Variants in PLXNA2 observed in about 807,000 individuals in gnomAD.
The protein encoded by PLXNA2 is plexin-A2.
PLXNA2 carries 91 observed loss-of-function variants against 193.5 expected under a neutral mutation model. That is an observed-to-expected ratio of 0.47 (90% confidence interval 0.40 to 0.56). The LOEUF (loss-of-function observed/expected upper bound fraction) is 0.56. PLXNA2 is among the 20% of genes least tolerant of loss of function. The probability of loss-of-function intolerance (pLI) is 0.00; values close to 1 mark genes in which losing one functional copy is unlikely to be tolerated. For missense variants in PLXNA2, 1,995 were observed against 2,503.2 expected (o/e 0.80, Z 4.33); for synonymous variants, 997 against 1,027.3 (o/e 0.97, Z 0.56).
In PLXNA2 at chr1:208,236,470, C is replaced by A. The variant is rs1432631818; in HGVS notation, c.-81+7173G>T. On this transcript the variant is annotated intron_variant, in intron 1 of 31. Transcript: ENST00000367033. This position sits in a 1 kb window ranked among gnomAD's most constrained non-coding sequence, Gnocchi z 4.4. ...GGCAAGGCAGGGCTTTTCTACACAC[C>A]CCTTCCTCTGCTCCTGAACCTTCCA... Among the ~76,000 whole-genome samples the A allele has an allele frequency of 6.6e-6, 1 of 152,128 alleles. No individual in the cohort carries two copies. Among genetic ancestry groups the A allele is most frequent in the Non-Finnish European group, 1.5e-5 (1 of 68,016 alleles).
chr1:208,063,764 C>T (rs1402044807), intron 12 of PLXNA2, among the ~76,000 whole-genome samples: 2 of 152,118 alleles, frequency 1.3e-5, no homozygotes, highest in Admixed American at 1.3e-4. Context: ...TTGCTTAAAG[C>T]AAAACTGACG....
chr1:208,210,716 CCT>C (rs1670915633), intron 2 of PLXNA2, among the ~76,000 whole-genome samples: 2 of 152,188 alleles, frequency 1.3e-5, no homozygotes, highest in Non-Finnish European at 2.9e-5. Flanking sequence ...CCTGTATCTA[CCT>C]TTCTGCCAGG....
intron 3 of PLXNA2, among the ~76,000 whole-genome samples, chr1:208,144,103 T>C (rs989189603): frequency 1.2e-4 from 18 of 152,204 alleles, no homozygotes; most frequent in African/African-American, 4.1e-4. Context: ...TTACACCCTT[T>C]GGATTCTCTC....
intron 3 of PLXNA2, among the ~76,000 whole-genome samples, chr1:208,207,782 C>T (rs754794413): frequency 1.3e-5 from 2 of 152,028 alleles, no homozygotes; most frequent in Admixed American, 6.6e-5. Flanking sequence ...CCAGCAGGGG[C>T]CTGGGTATGA....
intron 31 of PLXNA2, among the ~76,000 whole-genome samples, chr1:208,027,791 T>G (rs946152084): frequency 6.6e-6 from 1 of 152,204 alleles, no homozygotes; most frequent in Non-Finnish European, 1.5e-5. Context: ...TGATTAAAAG[T>G]GTTATTTATT....
At position 208,106,982 on chromosome 1, in the gene PLXNA2, G is replaced by A. The variant is rs1042625148; in HGVS notation, c.1507-3735C>T. ...TTGGTGAGGGCAAGGGAGGGATGGT[G>A]CAAGTCTGGATATGTGAGTCTGGGT... On this transcript the variant is annotated intron_variant, in intron 4 of 31. Transcript: ENST00000367033. Among the ~76,000 whole-genome samples, 4 of 152,220 alleles carry A rather than the reference G, an allele frequency of 2.6e-5. No individual in the cohort carries two copies. In the East Asian group the frequency reaches 7.7e-4, roughly 29 times the overall value.
intron 29 of PLXNA2, chr1:208,030,324 G>A (rs2102298006): frequency 1.0e-6 from 1 of 985,564 alleles, no homozygotes; most frequent in East Asian, 1.1e-4. Context: ...TCTATTACTT[G>A]GATCTGGCCA....
intron 4 of PLXNA2, among the ~76,000 whole-genome samples, chr1:208,139,428 G>A (rs1024762578): frequency 3.9e-5 from 6 of 152,188 alleles, no homozygotes; most frequent in Non-Finnish European, 8.8e-5. Context: ...TGAGGCATGA[G>A]AGCTAGAATG....
intron 9 of PLXNA2, among the ~76,000 whole-genome samples, 153 bp from the exon 10 acceptor site, chr1:208,084,733 G>A (rs536398913): frequency 7.8e-4 from 119 of 152,344 alleles, no homozygotes; most frequent in African/African-American, 2.8e-3. Context: ...AAATGGAATC[G>A]CTCTTAGCTC....
chr1:208,104,704 C>T (rs1328510297), intron 4 of PLXNA2, among the ~76,000 whole-genome samples: 1 of 152,066 alleles, frequency 6.6e-6, no homozygotes, highest in Non-Finnish European at 1.5e-5. Flanking sequence ...TGCCTTTCCT[C>T]TCTTGGGTGT....
intron 3 of PLXNA2, among the ~76,000 whole-genome samples, chr1:208,173,131 C>T (rs1669546843): frequency 6.6e-6 from 1 of 152,194 alleles, no homozygotes; most frequent in Admixed American, 6.5e-5. Context: ...CAAATGCCCT[C>T]ATTTGTAAAA....
At chr1:208,090,105 G>A (rs192275179) in intron 9 of PLXNA2, among the ~76,000 whole-genome samples, 8 of 152,322 alleles carry the variant, frequency 5.3e-5, no homozygotes, top group Admixed American at 5.2e-4. Flanking sequence ...CAACCTCGCT[G>A]GGAATCTGCA....
At chr1:208,134,098 T>C (rs1455894837) in intron 4 of PLXNA2, among the ~76,000 whole-genome samples, 1 of 152,216 alleles carries the variant, frequency 6.6e-6, no homozygotes, top group Non-Finnish European at 1.5e-5. Context: ...CTGGGCATTG[T>C]ATTCAATCAT....
chr1:208,081,097 C>T (rs1440221870), intron 11 of PLXNA2, among the ~76,000 whole-genome samples: 2 of 152,200 alleles, frequency 1.3e-5, no homozygotes, highest in Non-Finnish European at 2.9e-5. Context: ...TGCAACAGCT[C>T]GGATGTGGCT....
intron 3 of PLXNA2, among the ~76,000 whole-genome samples, chr1:208,208,151 C>A (rs1292969311): frequency 1.3e-5 from 2 of 152,324 alleles, no homozygotes; most frequent in African/African-American, 4.8e-5. Context: ...CTGGTTGGGT[C>A]CCTTTTCCTT....
chr1:208,186,805 C>T (rs61553108), intron 3 of PLXNA2, among the ~76,000 whole-genome samples: 8 of 150,302 alleles, frequency 5.3e-5, no homozygotes, highest in African/African-American at 1.7e-4. Flanking sequence ...CTGCAAGCTC[C>T]GCTTCCCGGG....
chr1:208,038,711 C>G lies in PLXNA2; in HGVS notation c.4660+114G>C, dbSNP rs79129786. ...CGCTCAAAGCGGGAAGCATTTCACA[C>G]GGGCCTCAGCTGGCCAGGACACAGT... On this transcript the variant is annotated intron_variant, in intron 25 of 31. Transcript: ENST00000367033. The surrounding 1 kb of genome is among the most constrained non-coding windows in gnomAD (Gnocchi z 4.1). 2 of 1,145,162 alleles carry G rather than the reference C, an allele frequency of 1.7e-6. No individual in the cohort carries two copies. Among genetic ancestry groups the G allele is most frequent in the African/African-American group, 1.5e-5 (1 of 65,312 alleles). The allele number at this position is 1,145,162 out of a possible 1,614,324, so 70.9% of individuals were successfully genotyped here.
chr1:208,176,658 T>G (rs574615205), intron 3 of PLXNA2, among the ~76,000 whole-genome samples: 153 of 152,312 alleles, frequency 1.0e-3, no homozygotes, highest in African/African-American at 3.5e-3. Context: ...GAAGGCCAGC[T>G]CCTACTGTGT....
intron 12 of PLXNA2, among the ~76,000 whole-genome samples, chr1:208,074,640 G>A (rs190693815): frequency 6.6e-6 from 1 of 152,188 alleles, no homozygotes; most frequent in Admixed American, 6.5e-5. Flanking sequence ...ATCTAACTAT[G>A]CGTGAGCCCA....
Sources: allele counts gnomAD v4.1 joint callset (sites outside exome capture counted in the v4.1 genomes callset), GRCh38; gene constraint gnomAD v4.1.1; non-coding constraint Gnocchi (gnomAD v3.1); transcripts MANE v1.5; gene names NCBI Gene and HGNC (gene_info 2026-07-23, HGNC 2026-07-21).